ITSN1: variants seen among roughly 807,000 people sequenced by gnomAD.
ITSN1 encodes intersectin 1.
A neutral mutation model predicts 239.8 loss-of-function variants in ITSN1; 58 were observed. The ratio of observed to expected loss-of-function variants is 0.24; its 90% CI spans 0.20 to 0.30. The LOEUF is 0.30. Ranked by LOEUF, ITSN1 falls within the 10% of genes least tolerant of loss-of-function variation. The pLI is 1.00. For synonymous variants in ITSN1, 780 were observed against 770.8 expected (o/e 1.01, Z -0.20); for missense variants, 1,558 against 2,103.3 (o/e 0.74, Z 5.07).
intron 17 of ITSN1, among the ~76,000 whole-genome samples, chr21:33,796,418 C>G (rs2071565135): frequency 6.6e-6 from 1 of 152,112 alleles, no homozygotes; most frequent in Admixed American, 6.5e-5. Flanking sequence ...ATTAAAATAT[C>G]ACATTCATAC....
chr21:33,886,210 T>TA (rs559819556), intron 38 of ITSN1, 77 bp from the exon 39 acceptor site: 37,935 of 997,680 alleles, frequency 0.038, 3 homozygotes, highest in Non-Finnish European at 0.043. Flanking sequence ...AGAATCCATC[T>TA]AAAAAAAAAA....
intron 1 of ITSN1, among the ~76,000 whole-genome samples, chr21:33,669,666 C>T (rs751324146): frequency 6.6e-6 from 1 of 152,138 alleles, no homozygotes. Flanking sequence ...TGGTCTTGAA[C>T]TCCTGACCTT....
intron 5 of ITSN1, among the ~76,000 whole-genome samples, chr21:33,749,603 C>T (rs866927115): frequency 2.0e-5 from 3 of 151,236 alleles, no homozygotes; most frequent in Non-Finnish European, 4.4e-5. Flanking sequence ...GATCACGCCA[C>T]TGCACTCCAG....
intron 28 of ITSN1, among the ~76,000 whole-genome samples, chr21:33,835,309 C>T (rs2074539506): frequency 6.6e-6 from 1 of 152,068 alleles, no homozygotes; most frequent in South Asian, 2.1e-4. Flanking sequence ...GTTTGCTGTC[C>T]CCTGGAGAGA....
chr21:33,848,697 G>A (rs138185707), intron 29 of ITSN1, among the ~76,000 whole-genome samples: 117 of 152,266 alleles, frequency 7.7e-4, no homozygotes, highest in Middle Eastern at 6.8e-3. Context: ...TCTGAGTGGC[G>A]TTCCACCTGA....
intron 8 of ITSN1, among the ~76,000 whole-genome samples, chr21:33,760,574 G>C (rs1252693573): frequency 6.6e-6 from 1 of 152,148 alleles, no homozygotes; most frequent in East Asian, 1.9e-4. Context: ...TCATAGACTG[G>C]TTTATCTGAA....
chr21:33,750,375 G>C (rs2067470131), intron 6 of ITSN1, 53 bp downstream of exon 6: 1 of 1,489,010 alleles, frequency 6.7e-7, no homozygotes, highest in African/African-American at 1.4e-5. Flanking sequence ...GTATTTTGCT[G>C]TTCATTATTA....
chr21:33,718,697 A>G (rs1166881370), intron 1 of ITSN1, 100 bp from the exon 2 acceptor site: 7 of 767,706 alleles, frequency 9.1e-6, no homozygotes, highest in Non-Finnish European at 1.6e-5. Context: ...CTCTGGCTCT[A>G]GTATTAGTCC....
chr21:33,690,396 G>A (rs1188496271), intron 1 of ITSN1, among the ~76,000 whole-genome samples: 1 of 151,794 alleles, frequency 6.6e-6, no homozygotes, highest in East Asian at 2.0e-4. Context: ...TCAGGAGATC[G>A]AGACCATCCT....
intron 3 of ITSN1, 120 bp downstream of exon 3, chr21:33,721,390 C>T (rs1363223724): frequency 1.5e-6 from 1 of 679,512 alleles, no homozygotes; most frequent in East Asian, 2.7e-5. Flanking sequence ...ACCTGTTTTG[C>T]CCTAACCTTG....
chr21:33,686,951 T>C (rs1008399978), intron 1 of ITSN1, among the ~76,000 whole-genome samples: 13 of 152,228 alleles, frequency 8.5e-5, no homozygotes, highest in Non-Finnish European at 1.3e-4. Context: ...GTGGTGGATA[T>C]TTCAACACAA....
rs116262415 is a variant in ITSN1, at chr21:33,685,393, C to A, written c.-32-33404C>A. Reference sequence around the variant, plus strand: ...GTCATTCTGTACTGCTTTGGTGGTGCCTTATCTAAATAGTATTGAAAGGAA... The same window carrying A: ...GTCATTCTGTACTGCTTTGGTGGTGACTTATCTAAATAGTATTGAAAGGAA... On this transcript the variant is annotated intron_variant, in intron 1 of 39. Coordinates refer to ENST00000381318, the MANE Select transcript of ITSN1 (RefSeq NM_003024.3). Among the ~76,000 whole-genome samples the A allele has an allele frequency of 5.5e-3, 834 of 151,974 alleles. 7 individuals are homozygous for A. The highest frequency in any genetic ancestry group is 0.019 in the African/African-American group (801 of 41,444).
At chr21:33,769,088 G>A (rs2068930120) in intron 11 of ITSN1, among the ~76,000 whole-genome samples, 1 of 152,162 alleles carries the variant, frequency 6.6e-6, no homozygotes, top group African/African-American at 2.4e-5. Flanking sequence ...TGTGGAAGAG[G>A]TCACAGTTGA....
chr21:33,820,994 A>G (rs2073638651), intron 24 of ITSN1, among the ~76,000 whole-genome samples: 1 of 152,226 alleles, frequency 6.6e-6, no homozygotes, highest in Non-Finnish European at 1.5e-5. Flanking sequence ...GGCCGTGATA[A>G]CTACCCCTTG....
intron 32 of ITSN1, among the ~76,000 whole-genome samples, chr21:33,866,042 G>A (rs1010717379): frequency 7.7e-4 from 118 of 152,340 alleles, no homozygotes; most frequent in African/African-American, 2.7e-3. Context: ...CTGTGAAACA[G>A]GTATCTTTTG....
intron 27 of ITSN1, among the ~76,000 whole-genome samples, chr21:33,831,184 C>T (rs561365826): frequency 6.4e-4 from 97 of 152,314 alleles, no homozygotes; most frequent in African/African-American, 2.2e-3. Flanking sequence ...GACTGCCAGG[C>T]GGGCACCTGG....
intron 11 of ITSN1, among the ~76,000 whole-genome samples, chr21:33,771,673 A>G (rs57995702): frequency 0.03 from 4,523 of 152,248 alleles, 244 homozygotes; most frequent in African/African-American, 0.1. Context: ...GTTAGAATAG[A>G]GGACTCATCA....
chr21:33,875,221 G>C (rs989479837), intron 33 of ITSN1, 133 bp from the exon 34 acceptor site: 9 of 882,818 alleles, frequency 1.0e-5, no homozygotes, highest in Non-Finnish European at 1.4e-5. Context: ...GCTCAGAGCT[G>C]CGATTGCTCA....
At chr21:33,765,608 T>G (rs2068664962) in intron 9 of ITSN1, among the ~76,000 whole-genome samples, 1 of 152,166 alleles carries the variant, frequency 6.6e-6, no homozygotes, top group African/African-American at 2.4e-5. Context: ...ATTCATGGAA[T>G]ATGAGTGTAT....
Sources: gnomAD v4.1 joint callset for allele counts (sites outside exome capture counted in the v4.1 genomes callset) on GRCh38, gnomAD v4.1.1 for gene constraint, MANE v1.5 for transcripts, NCBI Gene and HGNC (gene_info 2026-07-23, HGNC 2026-07-21) for gene names.